KCNJ1: variants seen among roughly 807,000 people sequenced by gnomAD.
KCNJ1 encodes ATP-sensitive inward rectifier potassium channel 1.
A neutral mutation model predicts 21.9 loss-of-function variants in KCNJ1; 24 were observed. The observed-to-expected ratio is 1.10, with a 90% confidence interval of 0.79 to 1.54. The LOEUF is 1.54. Among genes scored for constraint, KCNJ1 ranks in the 40% most tolerant of loss-of-function variants. The pLI is 0.00. For synonymous variants in KCNJ1, 152 were observed against 160.9 expected, an observed-to-expected ratio of 0.94 and a Z score of 0.42; for missense variants, 457 against 455.4, an observed-to-expected ratio of 1.00 and a Z score of -0.03.
At chr11:128,862,540 G>A (rs530449497) in intron 1 of KCNJ1, among the ~76,000 whole-genome samples, 4 of 152,270 alleles carry the variant, frequency 2.6e-5, no homozygotes, top group African/African-American at 9.6e-5. Context: ...AGACTGGGTC[G>A]GGGAGCCTGG....
intron 1 of KCNJ1, among the ~76,000 whole-genome samples, chr11:128,864,133 G>T (rs1943771066): frequency 8.9e-6 from 1 of 111,808 alleles, no homozygotes; most frequent in Non-Finnish European, 1.7e-5. Flanking sequence ...ACCCAGGCTT[G>T]AGGAGTGCAG....
chr11:128,864,627 T>C (rs937402437), intron 1 of KCNJ1, among the ~76,000 whole-genome samples: 2 of 152,156 alleles, frequency 1.3e-5, no homozygotes, highest in Non-Finnish European at 2.9e-5. Context: ...CTAGGCCCTT[T>C]TCTGTATACT....
At chr11:128,861,336 G>A (rs1314814241) in intron 1 of KCNJ1, among the ~76,000 whole-genome samples, 1 of 152,216 alleles carries the variant, frequency 6.6e-6, no homozygotes, top group Admixed American at 6.5e-5. Context: ...GCCCTAGTGG[G>A]GCTGGGGTCA....
At chr11:128,842,095 A>C (rs1943292468) in intron 2 of KCNJ1, among the ~76,000 whole-genome samples, 1 of 152,178 alleles carries the variant, frequency 6.6e-6, no homozygotes, top group African/African-American at 2.4e-5. Context: ...TCAAATAGTA[A>C]ATTCTAAAAC....
At chr11:128,866,147 C>A (rs184530934) in intron 1 of KCNJ1, among the ~76,000 whole-genome samples, 1 of 152,236 alleles carries the variant, frequency 6.6e-6, no homozygotes. Flanking sequence ...ACAACACAAG[C>A]CAAGCCCATG....
intron 1 of KCNJ1, among the ~76,000 whole-genome samples, chr11:128,857,005 C>T (rs1399429911): frequency 6.6e-6 from 1 of 152,104 alleles, no homozygotes; most frequent in Admixed American, 6.5e-5. Context: ...GTTCTGATGA[C>T]CTCAAGGCCC....
At chr11:128,855,013 C>T (rs1286214619) in intron 1 of KCNJ1, among the ~76,000 whole-genome samples, 2 of 152,186 alleles carry the variant, frequency 1.3e-5, no homozygotes, top group African/African-American at 4.8e-5. Flanking sequence ...TCCAGCTCTG[C>T]AGCTTACTGG....
At chr11:128,863,697 T>G (rs1009880374) in intron 1 of KCNJ1, among the ~76,000 whole-genome samples, 2 of 152,216 alleles carry the variant, frequency 1.3e-5, no homozygotes, top group Non-Finnish European at 2.9e-5. Flanking sequence ...GCTTTTGGGT[T>G]GGGTTTTATA....
chr11:128,844,405 G>T (rs578250344), intron 2 of KCNJ1, among the ~76,000 whole-genome samples: 2 of 152,320 alleles, frequency 1.3e-5, no homozygotes, highest in South Asian at 4.1e-4. Context: ...AGGAGAAACT[G>T]TTATAAAGAA....
At chr11:128,859,948 A>G (rs1373609376) in intron 1 of KCNJ1, among the ~76,000 whole-genome samples, 1 of 152,252 alleles carries the variant, frequency 6.6e-6, no homozygotes, top group African/African-American at 2.4e-5. Context: ...GGCGGGCAGC[A>G]AAGCGCAGGC....
chr11:128,850,844 C>T lies in KCNJ1; in HGVS notation c.-145G>A. 2 of 985,514 alleles carry T rather than the reference C, an allele frequency of 2.0e-6. No individual in the cohort carries two copies. Among genetic ancestry groups the T allele is most frequent in the Non-Finnish European group, 2.4e-6 (2 of 829,984 alleles). The allele number at this position is 985,514 out of a possible 1,614,324, so 61.0% of individuals were successfully genotyped here. ...TGGGGCTCAGAACTTGTCACACTGT[C>T]TTTGTCAGGGCCCAGGATGGGGATG... On this transcript the variant is annotated 5_prime_UTR_variant, in exon 2 of 3. Transcript: ENST00000392666.
At chr11:128,852,184 C>T (rs11221481) in intron 1 of KCNJ1, among the ~76,000 whole-genome samples, 2,448 of 152,298 alleles carry the variant, frequency 0.016, 30 homozygotes, top group Non-Finnish European at 0.02. Flanking sequence ...GGACATAGAA[C>T]GTGATCAAGC....
chr11:128,863,063 A>T (rs531072071), intron 1 of KCNJ1, among the ~76,000 whole-genome samples: 9 of 152,346 alleles, frequency 5.9e-5, no homozygotes, highest in South Asian at 4.1e-4. Context: ...AATTTAATCA[A>T]GGGCAACGAA....
Position 128,839,786 on chromosome 11 carries a change from G to T in KCNJ1, c.458C>A (p.Ser153Tyr). 6.2e-7 allele frequency: 1 copy of T among 1,614,052 alleles called. No homozygotes were observed. The highest frequency in any genetic ancestry group is 8.5e-7 in the Non-Finnish European group (1 of 1,180,026). ...GGCTAAGATGGCCCCACACATGAAA[G>T]AATTGATTATAACTCCAAGTATAGA... ...FQSILGVIIN[S>Y]FMCGAILAKI... The change falls in exon 3 of 3, where the codon TCT becomes TAT. Residue 153 changes from serine to tyrosine, a missense_variant. Ser to Tyr is a moderately radical substitution (Grantham distance 144). Coordinates refer to ENST00000392666, the MANE Select transcript of KCNJ1 (RefSeq NM_153766.3).
rs76640813 is a variant in KCNJ1 at position 128,839,881 on chromosome 11, C to T, written c.363G>A (p.Val121=). 25 of 1,614,190 alleles carry T rather than the reference C, an allele frequency of 1.5e-5. No homozygotes were observed. The highest frequency in any genetic ancestry group is 2.0e-5 in the Non-Finnish European group (24 of 1,180,046). ...CACACCTGAATCCATATCCAATGGT[C>T]ACTTGAGTCTCCAGAGAAAACAGAA... is the stretch of plus-strand genomic sequence containing the variant. ...SAFLFSLETQ[V]TIGYGFRCVT... The change falls in exon 3 of 3, where the codon GTG becomes GTA. Residue 121 remains valine (V), a synonymous_variant. Transcript: ENST00000392666.
chr11:128,861,556 G>GC (rs2135961199), intron 1 of KCNJ1, among the ~76,000 whole-genome samples: 1 of 152,264 alleles, frequency 6.6e-6, no homozygotes, highest in South Asian at 2.1e-4. Context: ...CAGAATCAGA[G>GC]CAATAGCCAG....
chr11:128,845,496 G>T (rs1486569206), intron 2 of KCNJ1, among the ~76,000 whole-genome samples: 5 of 152,188 alleles, frequency 3.3e-5, no homozygotes. Flanking sequence ...CCACCCTGCT[G>T]GATCTGCAAA....
rs1227984572 is a variant in KCNJ1, at chr11:128,854,098, G to T, written c.-191-3208C>A. On this transcript the variant is annotated intron_variant, in intron 1 of 2. Coordinates refer to ENST00000392666, the MANE Select transcript of KCNJ1 (RefSeq NM_153766.3). ...TCTGCAGGTCTGAGAACGGTGTTTGGTTACGATCCTGGGTTGGCAGCTCCA... is the reference window on the plus strand; with the variant it reads ...TCTGCAGGTCTGAGAACGGTGTTTGTTTACGATCCTGGGTTGGCAGCTCCA... Among the ~76,000 whole-genome samples the T allele has an allele frequency of 2.1e-5, 3 of 146,228 alleles. No individual in the cohort carries two copies. The East Asian group carries it at 6.2e-4, about 30-fold the overall frequency.
rs144054115 is a variant in KCNJ1, at chr11:128,842,179, C to G, written c.-21-1915G>C. Among the ~76,000 whole-genome samples the G allele has an allele frequency of 2.7e-3, 412 of 152,372 alleles. 1 individual carries two copies. Among genetic ancestry groups the G allele is most frequent in the African/African-American group, 9.6e-3 (400 of 41,588 alleles). On this transcript the variant is annotated intron_variant, in intron 2 of 2. Coordinates refer to ENST00000392666, the MANE Select transcript of KCNJ1 (RefSeq NM_153766.3). Reference sequence around the variant, plus strand: ...CCAGAGATGGCTCCTAACACACCAACTTCTGAGTTTTTTTCCCAGCACCCT... The same window carrying G: ...CCAGAGATGGCTCCTAACACACCAAGTTCTGAGTTTTTTTCCCAGCACCCT...
Sources: allele counts gnomAD v4.1 joint callset (sites outside exome capture counted in the v4.1 genomes callset), GRCh38; gene constraint gnomAD v4.1.1; transcripts MANE v1.5; gene names NCBI Gene and HGNC (gene_info 2026-07-23, HGNC 2026-07-21).